FARS2: variants seen among roughly 807,000 people sequenced by gnomAD.
FARS2 encodes the protein phenylalanyl-tRNA synthetase 2, mitochondrial.
FARS2 carries 40 observed loss-of-function variants against 46.4 expected under a neutral mutation model. That is an observed-to-expected ratio of 0.86 (90% CI 0.67 to 1.12). The LOEUF is 1.12. Ranked by LOEUF, FARS2 falls within the 50% of genes most tolerant of loss-of-function variation. The pLI is 0.00. For missense variants in FARS2, 513 were observed against 567.9 expected, an observed-to-expected ratio of 0.90 and a Z score of 0.98; for synonymous variants, 234 against 214.9, an observed-to-expected ratio of 1.09 and a Z score of -0.78.
chr6:5,747,724 G>T (rs562048454), intron 6 of FARS2, among the ~76,000 whole-genome samples: 18 of 152,326 alleles, frequency 1.2e-4, no homozygotes, highest in African/African-American at 3.8e-4. Context: ...GTCACTTGTT[G>T]AAACTGTGCA....
chr6:5,632,059 T>A (rs865899678), intron 6 of FARS2, among the ~76,000 whole-genome samples: 1 of 152,242 alleles, frequency 6.6e-6, no homozygotes, highest in Admixed American at 6.5e-5. Flanking sequence ...ATTTCAAACT[T>A]TGTATTTGTT....
At chr6:5,581,051 C>T (rs1186058679) in intron 5 of FARS2, among the ~76,000 whole-genome samples, 1 of 152,196 alleles carries the variant, frequency 6.6e-6, no homozygotes, top group Non-Finnish European at 1.5e-5. Flanking sequence ...GCTGACGAGG[C>T]CCATGGTTGT....
chr6:5,709,646 T>G (rs1449407280), intron 6 of FARS2, among the ~76,000 whole-genome samples: 1 of 150,656 alleles, frequency 6.6e-6, no homozygotes, highest in South Asian at 2.1e-4. Context: ...AAGAAAATTA[T>G]GGTCCCCTGT....
At chr6:5,718,808 C>T (rs954126473) in intron 6 of FARS2, among the ~76,000 whole-genome samples, 2 of 152,116 alleles carry the variant, frequency 1.3e-5, no homozygotes, top group Non-Finnish European at 2.9e-5. Context: ...AAATAAAATG[C>T]TTTTATTTGA....
chr6:5,498,463 CGTAA>C (rs966027303), intron 4 of FARS2, among the ~76,000 whole-genome samples: 56 of 152,292 alleles, frequency 3.7e-4, no homozygotes, highest in East Asian at 9.7e-4. Flanking sequence ...TATCATAAAA[CGTAA>C]GTGTTTCTCC....
intron 2 of FARS2, among the ~76,000 whole-genome samples, chr6:5,391,895 C>A (rs1760542082): frequency 6.6e-6 from 1 of 152,118 alleles, no homozygotes; most frequent in South Asian, 2.1e-4. Context: ...GAACTACTTT[C>A]TGTGGCTTTT....
At chr6:5,600,459 G>T (rs1774446354) in intron 5 of FARS2, among the ~76,000 whole-genome samples, 1 of 152,114 alleles carries the variant, frequency 6.6e-6, no homozygotes, top group Non-Finnish European at 1.5e-5. Flanking sequence ...GAGAAAATCT[G>T]TAAATATCAA....
intron 1 of FARS2, among the ~76,000 whole-genome samples, chr6:5,313,301 T>C (rs1278572052): frequency 6.6e-6 from 1 of 152,250 alleles, no homozygotes; most frequent in East Asian, 1.9e-4. Flanking sequence ...ATACTCAGAC[T>C]ACCATCAGCT....
At chr6:5,533,805 A>G (rs2150464760) in intron 4 of FARS2, among the ~76,000 whole-genome samples, 1 of 152,336 alleles carries the variant, frequency 6.6e-6, no homozygotes, top group South Asian at 2.1e-4. Flanking sequence ...TACCCCGGAC[A>G]TGACTGCCCC....
At chr6:5,432,332 A>T (rs1562036415) in intron 4 of FARS2, among the ~76,000 whole-genome samples, 2,276 of 34,684 alleles carry the variant, frequency 0.066, 43 homozygotes, top group South Asian at 0.17. Flanking sequence ...AAAAAAATAT[A>T]TATATATATA....
chr6:5,706,329 C>G (rs1210940775), intron 6 of FARS2, among the ~76,000 whole-genome samples: 3 of 152,186 alleles, frequency 2.0e-5, no homozygotes. Flanking sequence ...GTGGGGGACT[C>G]CTGTGTTAGA....
intron 5 of FARS2, among the ~76,000 whole-genome samples, chr6:5,578,181 T>G (rs1773099108): frequency 6.6e-6 from 1 of 152,180 alleles, no homozygotes; most frequent in Non-Finnish European, 1.5e-5. Flanking sequence ...TGAATAATGG[T>G]TAAGCCCTCT....
intron 4 of FARS2, among the ~76,000 whole-genome samples, chr6:5,455,359 C>A (rs933458274): frequency 6.6e-6 from 1 of 152,092 alleles, no homozygotes; most frequent in African/African-American, 2.4e-5. Context: ...GTGTTAGTCT[C>A]CAGGGAAGCA....
intron 5 of FARS2, among the ~76,000 whole-genome samples, chr6:5,553,789 T>C (rs938257461): frequency 6.6e-6 from 1 of 151,924 alleles, no homozygotes; most frequent in Admixed American, 6.6e-5. Context: ...TCTGGGGGGG[T>C]GCCTGGGATT....
chr6:5,625,991 A>G (rs572618010), intron 6 of FARS2, among the ~76,000 whole-genome samples: 1 of 152,292 alleles, frequency 6.6e-6, no homozygotes, highest in African/African-American at 2.4e-5. Context: ...GTTTTGTTTA[A>G]TAGTGTACAG....
At chr6:5,641,140 A>G (rs1776795286) in intron 6 of FARS2, among the ~76,000 whole-genome samples, 1 of 151,990 alleles carries the variant, frequency 6.6e-6, no homozygotes, top group South Asian at 2.1e-4. Context: ...AACACCCTTC[A>G]CTTCCCTGGG....
intron 4 of FARS2, among the ~76,000 whole-genome samples, chr6:5,534,579 T>A (rs1052355393): frequency 6.6e-6 from 1 of 152,230 alleles, no homozygotes; most frequent in Admixed American, 6.5e-5. Flanking sequence ...TGCTGTAGCA[T>A]GTATCAGAAC....
chr6:5,273,732 A>G (rs913608170), intron 1 of FARS2, among the ~76,000 whole-genome samples: 2 of 152,190 alleles, frequency 1.3e-5, no homozygotes, highest in African/African-American at 4.8e-5. Flanking sequence ...AGGTCTTCAC[A>G]AAAAATCTTT....
chr6:5,305,204 A>G (rs1253399546), intron 1 of FARS2, among the ~76,000 whole-genome samples: 1 of 152,200 alleles, frequency 6.6e-6, no homozygotes, highest in East Asian at 1.9e-4. Context: ...AGTTTTCTTC[A>G]ATTTGTTATC....
Sources: gnomAD v4.1 joint callset for allele counts (sites outside exome capture counted in the v4.1 genomes callset) on GRCh38, gnomAD v4.1.1 for gene constraint, MANE v1.5 for transcripts, NCBI Gene and HGNC (gene_info 2026-07-23, HGNC 2026-07-21) for gene names.